Variants in INPP5A observed in about 807,000 individuals in gnomAD.
INPP5A encodes the protein inositol polyphosphate-5-phosphatase A.
INPP5A carries 14 observed loss-of-function variants against 65.2 expected under a neutral mutation model. The ratio of observed to expected loss-of-function variants is 0.21; its 90% confidence interval spans 0.14 to 0.34. The LOEUF (loss-of-function observed/expected upper bound fraction) is 0.34, where lower values mean the gene tolerates loss of function less well. Among genes scored for constraint, INPP5A ranks in the 10% least tolerant of loss-of-function variants. INPP5A has a pLI of 1.00. For missense variants in INPP5A, 431 were observed against 545.6 expected, an observed-to-expected ratio of 0.79 and a Z score of 2.09; for synonymous variants, 207 against 208.3, an observed-to-expected ratio of 0.99 and a Z score of 0.05.
At chr10:132,573,173 C>T (rs12770478) in intron 1 of INPP5A, among the ~76,000 whole-genome samples, 5 of 61,212 alleles carry the variant, frequency 8.2e-5, no homozygotes, top group Middle Eastern at 0.014. Context: ...GGTTTTGTTG[C>T]GATGTTGGGG....
At chr10:132,566,494 A>G (rs1235314251) in intron 1 of INPP5A, among the ~76,000 whole-genome samples, 3 of 152,230 alleles carry the variant, frequency 2.0e-5, no homozygotes, top group African/African-American at 4.8e-5. Context: ...TTAGGACCCA[A>G]TAGCAAATAA....
At chr10:132,747,067 C>T (rs1846382786) in intron 9 of INPP5A, among the ~76,000 whole-genome samples, 1 of 152,240 alleles carries the variant, frequency 6.6e-6, no homozygotes, top group East Asian at 1.9e-4. Context: ...CAGTTTCCCG[C>T]AGATGCCTTT....
intron 8 of INPP5A, among the ~76,000 whole-genome samples, chr10:132,725,994 T>C (rs1289217658): frequency 1.3e-5 from 2 of 152,048 alleles, no homozygotes; most frequent in African/African-American, 4.8e-5. Flanking sequence ...CTTGCCCTCC[T>C]CAAAAGCAAG....
At position 132,675,523 on chromosome 10, in the gene INPP5A, A is replaced by G. The variant is rs2072951478; in HGVS notation, c.307-14869A>G. On this transcript the variant is annotated intron_variant, in intron 4 of 15. Coordinates refer to ENST00000368594, the MANE Select transcript of INPP5A (RefSeq NM_005539.5). The surrounding 1 kb of genome is among the most constrained non-coding windows in gnomAD (Gnocchi z 4.2). ...TCCTGCAGTGTAAAACACGGAGAGA[A>G]GTGCGGTTGAGCATGGGGGTGGGTG... Among the ~76,000 whole-genome samples the G allele has an allele frequency of 6.6e-6, 1 of 152,178 alleles. No homozygotes were observed. Among genetic ancestry groups the G allele is most frequent in the African/African-American group, 2.4e-5 (1 of 41,438 alleles).
intron 1 of INPP5A, among the ~76,000 whole-genome samples, chr10:132,596,439 T>G (rs111282647): frequency 1.2e-4 from 18 of 151,994 alleles, no homozygotes; most frequent in South Asian, 6.2e-4. Context: ...GTTTTGTTTT[T>G]TTTTTTTGAG....
intron 8 of INPP5A, among the ~76,000 whole-genome samples, chr10:132,713,014 G>A (rs1451129316): frequency 1.3e-5 from 2 of 151,798 alleles, no homozygotes; most frequent in African/African-American, 2.4e-5. Flanking sequence ...ATGTGTGCTG[G>A]GGTGTATGTA....
chr10:132,684,588 A>G (rs1178893810), intron 4 of INPP5A, among the ~76,000 whole-genome samples: 1 of 152,248 alleles, frequency 6.6e-6, no homozygotes, highest in Non-Finnish European at 1.5e-5. Context: ...TGTCTTCAGC[A>G]GTCACTCATT....
chr10:132,567,906 G>A (rs943052984), intron 1 of INPP5A, among the ~76,000 whole-genome samples: 1 of 152,010 alleles, frequency 6.6e-6, no homozygotes, highest in African/African-American at 2.4e-5. Flanking sequence ...AAAAATATTG[G>A]CTGAGGCCGG....
intron 2 of INPP5A, among the ~76,000 whole-genome samples, chr10:132,645,399 C>T (rs1230473608): frequency 2.0e-5 from 3 of 152,226 alleles, no homozygotes; most frequent in African/African-American, 4.8e-5. Flanking sequence ...CACATGTGTA[C>T]ACACACATGC....
chr10:132,617,965 A>G (rs1248206925), intron 2 of INPP5A, among the ~76,000 whole-genome samples: 1 of 152,218 alleles, frequency 6.6e-6, no homozygotes, highest in East Asian at 1.9e-4. Context: ...TATGCTGTCT[A>G]TCTTAATAGC....
At chr10:132,655,500 G>A (rs11146452) in intron 4 of INPP5A, among the ~76,000 whole-genome samples, 2,738 of 152,348 alleles carry the variant, frequency 0.018, 83 homozygotes, top group African/African-American at 0.061. Context: ...CACGCAGGGA[G>A]CTCCGAGAAC....
rs1417446743 is a variant in INPP5A, at chr10:132,674,668, T to TGTATGTGCTG, written c.307-15724_307-15723insGTATGTGCTG. ...CCCAATCACATACATGCCACTTCCA[T>TGTATGTGCTG]TTGATGATGGAATGCTGCTGTGCAT... On this transcript the variant is annotated intron_variant, in intron 4 of 15. Coordinates refer to ENST00000368594, the MANE Select transcript of INPP5A (RefSeq NM_005539.5). The surrounding 1 kb of genome is among the most constrained non-coding windows in gnomAD (Gnocchi z 4.4). Among the ~76,000 whole-genome samples, 2 of 152,184 alleles carry TGTATGTGCTG rather than the reference T, an allele frequency of 1.3e-5. No individual in the cohort carries two copies. The highest frequency in any genetic ancestry group is 2.9e-5 in the Non-Finnish European group (2 of 68,038).
intron 12 of INPP5A, among the ~76,000 whole-genome samples, chr10:132,771,538 G>A (rs796489400): frequency 2.4e-4 from 37 of 152,350 alleles, no homozygotes; most frequent in African/African-American, 8.7e-4. Context: ...AGGGGTCCCA[G>A]GGACCCACAG....
chr10:132,647,104 ATT>A (rs112565486), intron 3 of INPP5A, among the ~76,000 whole-genome samples: 1 of 145,932 alleles, frequency 6.9e-6, no homozygotes, highest in African/African-American at 2.5e-5. Context: ...AATTTAAGGC[ATT>A]TTTTTTTTCT....
At position 132,726,840 on chromosome 10, in the gene INPP5A, G is replaced by A. The variant is rs933800878; in HGVS notation, c.667G>A (p.Glu223Lys). Residue 223 changes from glutamate (E) to lysine (K), a missense_variant, in exon 9 of 16, where the codon GAG (glutamate) becomes AAG (lysine). Glu to Lys is a moderately conservative substitution (Grantham distance 56). Transcript: ENST00000368594. ...VLDRIIDQRF[E>K]KVSYFVFGDF... ...TTCCAGAATCATTGATCAGCGATTCGAGAAGGTTTCCTACTTTGTATTTGG... is the reference window on the plus strand; with the variant it reads ...TTCCAGAATCATTGATCAGCGATTCAAGAAGGTTTCCTACTTTGTATTTGG... 1.0e-5 allele frequency: 16 copies of A among 1,604,612 alleles called. No homozygotes were observed. Among genetic ancestry groups the A allele is most frequent in the African/African-American group, 1.3e-5 (1 of 74,676 alleles).
chr10:132,590,378 C>G (rs1213492142), intron 1 of INPP5A, among the ~76,000 whole-genome samples: 1 of 152,094 alleles, frequency 6.6e-6, no homozygotes, highest in Non-Finnish European at 1.5e-5. Context: ...CCACACTGTC[C>G]GCGCTAGGAG....
rs563205163 is a variant in INPP5A, at chr10:132,705,754, G to A, written c.475-2559G>A. On this transcript the variant is annotated intron_variant, in intron 6 of 15. Transcript: ENST00000368594. This position sits in a 1 kb window ranked among gnomAD's most constrained non-coding sequence, Gnocchi z 4.9. ...AGCCACCTGTGGACCCTGAGGGTGCGTCTGTGGGTGCCTCAGTATCACTGG... is the reference window on the plus strand; with the variant it reads ...AGCCACCTGTGGACCCTGAGGGTGCATCTGTGGGTGCCTCAGTATCACTGG... Among the ~76,000 whole-genome samples, 20 of 152,300 alleles carry A rather than the reference G, an allele frequency of 1.3e-4. No homozygotes were observed. The South Asian group carries it at 2.7e-3, about 21-fold the overall frequency.
At chr10:132,607,503 A>AG (rs2071873061) in intron 1 of INPP5A, among the ~76,000 whole-genome samples, 1 of 152,214 alleles carries the variant, frequency 6.6e-6, no homozygotes, top group Non-Finnish European at 1.5e-5. Flanking sequence ...GTGCCTGTGA[A>AG]GGGGCTTTGG....
At chr10:132,748,502 G>T (rs889210355) in intron 9 of INPP5A, among the ~76,000 whole-genome samples, 3 of 152,188 alleles carry the variant, frequency 2.0e-5, no homozygotes, top group Non-Finnish European at 2.9e-5. Flanking sequence ...CCTGTGTCGG[G>T]GCCAGGGGCT....
Sources: allele counts gnomAD v4.1 joint callset (sites outside exome capture counted in the v4.1 genomes callset), GRCh38; gene constraint gnomAD v4.1.1; non-coding constraint Gnocchi (gnomAD v3.1); transcripts MANE v1.5; gene names NCBI Gene and HGNC (gene_info 2026-07-23, HGNC 2026-07-21).